Variants in RIN3 observed in about 807,000 individuals in gnomAD.
RIN3 encodes RAB5 interacting protein 3.
Under a neutral mutation model 76.3 loss-of-function variants are expected in RIN3, and 54 were observed. The observed-to-expected ratio is 0.71, with a 90% CI of 0.57 to 0.89. The LOEUF (loss-of-function observed/expected upper bound fraction) is 0.89. Among genes scored for constraint, RIN3 ranks in the 40% least tolerant of loss-of-function variants. The probability of loss-of-function intolerance (pLI) is 0.00; values close to 1 mark genes in which losing one functional copy is unlikely to be tolerated. For missense variants in RIN3, 1,256 were observed against 1,322.1 expected, an observed-to-expected ratio of 0.95 and a Z score of 0.78; for synonymous variants, 576 against 564.0, an observed-to-expected ratio of 1.02 and a Z score of -0.30.
intron 7 of RIN3, among the ~76,000 whole-genome samples, chr14:92,659,968 G>A (rs1887818868): frequency 6.6e-6 from 1 of 152,190 alleles, no homozygotes; most frequent in Non-Finnish European, 1.5e-5. Flanking sequence ...TGCTTCCTGT[G>A]TGCATGTCTG....
At chr14:92,649,806 G>A (rs1279066183) in intron 5 of RIN3, among the ~76,000 whole-genome samples, 2 of 152,194 alleles carry the variant, frequency 1.3e-5, no homozygotes, top group African/African-American at 4.8e-5. Context: ...AGTGTGATGA[G>A]ACCTGGTCTC....
chr14:92,628,569 T>A (rs1243305994), intron 4 of RIN3, among the ~76,000 whole-genome samples: 1 of 152,168 alleles, frequency 6.6e-6, no homozygotes, highest in Non-Finnish European at 1.5e-5. Flanking sequence ...AATCCCTGAC[T>A]TTTAGCATCC....
intron 2 of RIN3, among the ~76,000 whole-genome samples, chr14:92,563,374 C>A (rs1182088815): frequency 6.6e-6 from 1 of 151,882 alleles, no homozygotes. Flanking sequence ...AACAAACAAA[C>A]AAACAAACAA....
At chr14:92,635,401 T>C (rs890419978) in intron 4 of RIN3, among the ~76,000 whole-genome samples, 1 of 152,192 alleles carries the variant, frequency 6.6e-6, no homozygotes, top group African/African-American at 2.4e-5. Context: ...TCCATTAGCT[T>C]GGGACCATTT....
At chr14:92,619,086 A>G (rs1246981128) in intron 4 of RIN3, among the ~76,000 whole-genome samples, 2 of 152,212 alleles carry the variant, frequency 1.3e-5, no homozygotes, top group Non-Finnish European at 2.9e-5. Context: ...TAGAAATCCC[A>G]TACAATTTTG....
At chr14:92,624,564 GAAAGC>G (rs1171886331) in intron 4 of RIN3, among the ~76,000 whole-genome samples, 1 of 152,170 alleles carries the variant, frequency 6.6e-6, no homozygotes, top group Non-Finnish European at 1.5e-5. Context: ...TGACAAAACG[GAAAGC>G]TAAACAAGGT....
chr14:92,523,802 C>T (rs1048145577), intron 1 of RIN3, among the ~76,000 whole-genome samples: 4 of 152,242 alleles, frequency 2.6e-5, no homozygotes, highest in Admixed American at 1.3e-4. Context: ...AGCCTCAGTT[C>T]TGTGCTTTAG....
intron 3 of RIN3, among the ~76,000 whole-genome samples, chr14:92,606,221 C>CA (rs1193775593): frequency 1.3e-5 from 2 of 149,904 alleles, no homozygotes; most frequent in African/African-American, 4.9e-5. Context: ...ACATATCTGA[C>CA]AAAAAATGTG....
chr14:92,652,228 G>C lies in RIN3; in HGVS notation c.1179G>C (p.Glu393Asp). Residue 393 changes from glutamate to aspartate, a missense_variant, in exon 6 of 10, where the codon GAG becomes GAC. By Grantham distance (45) the Glu-to-Asp change is conservative. Transcript: ENST00000216487. This position sits in a 1 kb window ranked among gnomAD's most constrained non-coding sequence, Gnocchi z 6.4. ...PTAPPRRRVS[E>D]RVSLEDQSPG... Reference sequence around the variant, plus strand: ...CCCCTCCCAGACGCCGCGTTTCCGAGAGGGTGTCCTTAGAAGACCAAAGTC... The same window carrying C: ...CCCCTCCCAGACGCCGCGTTTCCGACAGGGTGTCCTTAGAAGACCAAAGTC... The C allele has an allele frequency of 6.2e-7, 1 of 1,609,460 alleles. No homozygotes were observed. Among genetic ancestry groups the C allele is most frequent in the Non-Finnish European group, 8.5e-7 (1 of 1,177,070 alleles).
intron 1 of RIN3, among the ~76,000 whole-genome samples, chr14:92,550,331 G>C (rs11622930): frequency 6.6e-6 from 1 of 152,132 alleles, no homozygotes; most frequent in Admixed American, 6.5e-5. Flanking sequence ...GTAGTTGACA[G>C]CTCATGAAAT....
chr14:92,684,135 T>C (rs1888760519), intron 8 of RIN3, among the ~76,000 whole-genome samples: 1 of 152,054 alleles, frequency 6.6e-6, no homozygotes, highest in Admixed American at 6.5e-5. Flanking sequence ...ATCCCAGCAC[T>C]TTGGGAGGCT....
intron 4 of RIN3, among the ~76,000 whole-genome samples, chr14:92,634,471 G>A (rs1322335493): frequency 6.6e-6 from 1 of 152,124 alleles, no homozygotes; most frequent in Non-Finnish European, 1.5e-5. Context: ...CATCAGGAAG[G>A]TTGCTTAATC....
chr14:92,553,583 G>C (rs1897495042), intron 1 of RIN3, among the ~76,000 whole-genome samples: 1 of 152,048 alleles, frequency 6.6e-6, no homozygotes. Context: ...CATTCCCCGG[G>C]ACACTCATAT....
At chr14:92,589,770 G>T (rs1884914573) in intron 3 of RIN3, among the ~76,000 whole-genome samples, 2 of 152,204 alleles carry the variant, frequency 1.3e-5, no homozygotes, top group South Asian at 4.1e-4. Context: ...CCCTTCCCAT[G>T]TGACGTGGGT....
chr14:92,522,110 TG>T (rs1170434836), intron 1 of RIN3, among the ~76,000 whole-genome samples: 1 of 152,182 alleles, frequency 6.6e-6, no homozygotes, highest in Admixed American at 6.5e-5. Context: ...TGGGCAAGTT[TG>T]ACTTTTACCA....
intron 7 of RIN3, among the ~76,000 whole-genome samples, chr14:92,665,244 A>G (rs1275884030): frequency 1.3e-5 from 2 of 152,206 alleles, no homozygotes; most frequent in African/African-American, 4.8e-5. Context: ...GAACATATCT[A>G]AATGTAGAAA....
At chr14:92,557,311 T>TAAATA (rs1897618181) in intron 2 of RIN3, among the ~76,000 whole-genome samples, 18 of 152,118 alleles carry the variant, frequency 1.2e-4, no homozygotes, top group African/African-American at 4.3e-4. Flanking sequence ...GGGGACACAG[T>TAAATA]GAGTAAATAG....
intron 1 of RIN3, among the ~76,000 whole-genome samples, chr14:92,538,249 G>A (rs947950555): frequency 5.9e-5 from 9 of 152,216 alleles, no homozygotes; most frequent in South Asian, 2.1e-4. Context: ...GATTACAGGC[G>A]TGAGCCACCA....
rs539125696 is a variant in RIN3 at position 92,575,477 on chromosome 14, G to A, written c.250-1883G>A. Among the ~76,000 whole-genome samples, 23 of 152,278 alleles carry A rather than the reference G, an allele frequency of 1.5e-4. 1 individual carries two copies. In the Middle Eastern group the frequency reaches 0.014, roughly 90 times the overall value. Reference sequence around the variant, plus strand: ...GGTACACTGTCTCATACTCATGCTCGACTGATTATGCTTATGGTTATTTCT... The same window carrying A: ...GGTACACTGTCTCATACTCATGCTCAACTGATTATGCTTATGGTTATTTCT... On this transcript the variant is annotated intron_variant, in intron 2 of 9. Coordinates refer to ENST00000216487, the MANE Select transcript of RIN3 (RefSeq NM_024832.5).
Sources: gnomAD v4.1 joint callset for allele counts (sites outside exome capture counted in the v4.1 genomes callset) on GRCh38, gnomAD v4.1.1 for gene constraint, Gnocchi (gnomAD v3.1) non-coding constraint, MANE v1.5 for transcripts, NCBI Gene and HGNC (gene_info 2026-07-23, HGNC 2026-07-21) for gene names.